Variants in DLEU7 observed in about 807,000 individuals in gnomAD.
The protein encoded by DLEU7 is deleted in lymphocytic leukemia 7.
Under a neutral mutation model 16.0 loss-of-function variants are expected in DLEU7, and 17 were observed. The observed-to-expected ratio is 1.06, with a 90% confidence interval of 0.73 to 1.59. DLEU7 has a LOEUF of 1.59. DLEU7 is among the 40% of genes most tolerant of loss of function. The pLI, the probability that DLEU7 is intolerant of heterozygous loss-of-function variation, is 0.00. For synonymous variants in DLEU7, 113 were observed against 139.8 expected, an observed-to-expected ratio of 0.81 and a Z score of 1.35; for missense variants, 308 against 314.9, an observed-to-expected ratio of 0.98 and a Z score of 0.17.
At chr13:50,713,514 A>G (rs1362428130) in intron 1 of DLEU7, among the ~76,000 whole-genome samples, 1 of 152,174 alleles carries the variant, frequency 6.6e-6, no homozygotes, top group African/African-American at 2.4e-5. Context: ...TTTTCTTTGT[A>G]TTTTATGTTC....
intron 1 of DLEU7, 102 bp from the exon 2 acceptor site, chr13:50,823,622 G>A: frequency 1.2e-5 from 16 of 1,355,642 alleles, no homozygotes; most frequent in Non-Finnish European, 1.2e-5. Context: ...TCTGGTGACA[G>A]CACTCTGGTT....
chr13:50,808,704 G>T (rs1876471047), intron 1 of DLEU7: 2 of 152,126 alleles, frequency 1.3e-5, no homozygotes. Flanking sequence ...GAACAAATTT[G>T]GGGTGAGTAG....
intron 1 of DLEU7, among the ~76,000 whole-genome samples, chr13:50,731,140 C>T: frequency 6.6e-6 from 1 of 152,202 alleles, no homozygotes; most frequent in Non-Finnish European, 1.5e-5. Context: ...GCCAAGTCTT[C>T]ATTTATGGAG....
intron 1 of DLEU7, among the ~76,000 whole-genome samples, chr13:50,824,942 A>C (rs966816562): frequency 2.0e-5 from 3 of 152,198 alleles, no homozygotes; most frequent in African/African-American, 7.2e-5. Flanking sequence ...AATAGAGACT[A>C]TAAAATATAT....
At chr13:50,779,857 G>A (rs916255699) in intron 1 of DLEU7, among the ~76,000 whole-genome samples, 1 of 152,016 alleles carries the variant, frequency 6.6e-6, no homozygotes, top group Non-Finnish European at 1.5e-5. Flanking sequence ...GTTCTGATTC[G>A]TCAAAGAGAG....
downstream of DLEU7, chr13:50,822,734 G>A: frequency 1.0e-6 from 1 of 985,280 alleles, no homozygotes; most frequent in Admixed American, 6.1e-5. Flanking sequence ...GTATATAAAA[G>A]CACAAGGTTT....
chr13:50,715,949 G>T (rs1242717203), intron 1 of DLEU7, among the ~76,000 whole-genome samples: 1 of 152,222 alleles, frequency 6.6e-6, no homozygotes, highest in Non-Finnish European at 1.5e-5. Flanking sequence ...CTGCCACCTG[G>T]CCATGCACTG....
chr13:50,794,632 T>C (rs1235020850), intron 1 of DLEU7, among the ~76,000 whole-genome samples: 1 of 152,174 alleles, frequency 6.6e-6, no homozygotes, highest in Non-Finnish European at 1.5e-5. Flanking sequence ...AAGACATTGG[T>C]AGTTGTAGTA....
chr13:50,731,113 G>C (rs1305600305), intron 1 of DLEU7, among the ~76,000 whole-genome samples: 5 of 152,158 alleles, frequency 3.3e-5, no homozygotes, highest in African/African-American at 1.2e-4. Flanking sequence ...CACCTCCTGT[G>C]ACCAGAGTGG....
At chr13:50,816,193 CAG>C (rs1458880832) in intron 1 of DLEU7, among the ~76,000 whole-genome samples, 1 of 151,730 alleles carries the variant, frequency 6.6e-6, no homozygotes, top group Non-Finnish European at 1.5e-5. Flanking sequence ...ATAAAGTTAA[CAG>C]AATGAGATAA....
intron 1 of DLEU7, among the ~76,000 whole-genome samples, chr13:50,806,036 A>G (rs1317600192): frequency 6.6e-6 from 1 of 152,168 alleles, no homozygotes; most frequent in African/African-American, 2.4e-5. Context: ...TTCAGTATGT[A>G]TCACTTAGAA....
intron 1 of DLEU7, among the ~76,000 whole-genome samples, chr13:50,838,058 G>C (rs140387891): frequency 1.1e-3 from 167 of 152,170 alleles, no homozygotes; most frequent in African/African-American, 3.8e-3. Flanking sequence ...TGAAAGATTT[G>C]CTTATTATTT....
chr13:50,789,048 G>A (rs949237611), intron 1 of DLEU7, among the ~76,000 whole-genome samples: 5 of 152,012 alleles, frequency 3.3e-5, no homozygotes, highest in South Asian at 2.1e-4. Flanking sequence ...CTGGAGCATC[G>A]TCGTATTGCC....
intron 1 of DLEU7, among the ~76,000 whole-genome samples, chr13:50,741,663 C>G (rs1874252915): frequency 6.6e-6 from 1 of 151,902 alleles, no homozygotes; most frequent in Admixed American, 6.6e-5. Flanking sequence ...CATAGCTGTT[C>G]CTACCTTAGC....
chr13:50,726,703 G>C lies in DLEU7; in HGVS notation c.460-13463C>G, dbSNP rs982052596. Among the ~76,000 whole-genome samples the C allele has an allele frequency of 2.0e-5, 3 of 152,074 alleles. No individual in the cohort carries two copies. The highest frequency in any genetic ancestry group is 7.2e-5 in the African/African-American group (3 of 41,404). On this transcript the variant is annotated intron_variant, in intron 1 of 1. Transcript: ENST00000400393. This position sits in a 1 kb window ranked among gnomAD's most constrained non-coding sequence, Gnocchi z 4.0. ...GCCTTTTATTTCTCCAGGCATGGGT[G>C]CACCTCGGGGGTGGGCTGAGCACCT...
At chr13:50,843,928 C>T (rs866378151), upstream of DLEU7, 1 of 428,176 alleles carries the variant, frequency 2.3e-6, no homozygotes, top group South Asian at 2.8e-5. This position sits in a 1 kb window ranked among gnomAD's most constrained non-coding sequence, Gnocchi z 5.7. Flanking sequence ...GTTGCTTCTT[C>T]CCTCTCTCCA....
rs117745038 is a variant in DLEU7, at chr13:50,714,241, G to A, written c.460-1001C>T. ...ATGCCTGAGGTCTAGGGCTAGAAGC[G>A]TTGTTTCATCCACATTAATTCCGGT... On this transcript the variant is annotated intron_variant, in intron 1 of 1. Coordinates refer to the DLEU7 transcript ENST00000400393. 1.6e-4 allele frequency among the ~76,000 whole-genome samples: 24 copies of A among 152,282 alleles called. No individual in the cohort carries two copies. The East Asian group carries it at 4.2e-3, about 27-fold the overall frequency.
At chr13:50,822,857 A>G (rs1876956298), downstream of DLEU7, 3 of 987,712 alleles carry the variant, frequency 3.0e-6, no homozygotes, top group Non-Finnish European at 3.6e-6. Context: ...AGTGTCCAGT[A>G]AGTATTAATA....
intron 1 of DLEU7, among the ~76,000 whole-genome samples, chr13:50,799,149 TG>T (rs1421096317): frequency 2.6e-5 from 4 of 152,154 alleles, no homozygotes; most frequent in Non-Finnish European, 5.9e-5. Flanking sequence ...TTGCCTTGGT[TG>T]GGGTAGGGCA....
Sources: gnomAD v4.1 joint callset for allele counts (sites outside exome capture counted in the v4.1 genomes callset) on GRCh38, gnomAD v4.1.1 for gene constraint, Gnocchi (gnomAD v3.1) non-coding constraint, MANE v1.5 for transcripts, NCBI Gene and HGNC (gene_info 2026-07-23, HGNC 2026-07-21) for gene names.